The following DGKB variants were observed in gnomAD, a reference collection of about 807,000 sequenced individuals.
DGKB encodes 90 kDa diacylglycerol kinase.
In DGKB, 67 loss-of-function variants were observed where a neutral mutation model predicts 114.3. The ratio of observed to expected loss-of-function variants is 0.59; its 90% CI spans 0.48 to 0.72. DGKB has a LOEUF of 0.72. DGKB is among the 30% of genes least tolerant of loss of function. The probability of loss-of-function intolerance (pLI) is 0.00; values close to 1 mark genes in which losing one functional copy is unlikely to be tolerated. For missense variants in DGKB, 907 were observed against 975.2 expected (o/e 0.93, Z 0.93); for synonymous variants, 398 against 323.1 (o/e 1.23, Z -2.49).
chr7:14,699,341 G>C (rs1217161726), intron 7 of DGKB, among the ~76,000 whole-genome samples: 1 of 152,072 alleles, frequency 6.6e-6, no homozygotes, highest in African/African-American at 2.4e-5. Context: ...TGGTTTGGAA[G>C]TGTTAAAGTT....
rs139737389 is a variant in DGKB at position 14,718,905 on chromosome 7, CT to C, written c.323-221del. On this transcript the variant is annotated intron_variant, in intron 5 of 25. Coordinates refer to ENST00000402815, the MANE Select transcript of DGKB (RefSeq NM_001350709.2). ...TGGGATCCACAGACATGGCACTGCC[CT>C]ATCAGCCACGGATGGTATTTGGGTC... 4.6e-4 allele frequency: 201 copies of C among 440,436 alleles called. 1 individual carries two copies. The East Asian group carries it at 6.2e-3, about 14-fold the overall frequency. The allele number at this position is 440,436 out of a possible 1,614,324, so 27.3% of individuals were successfully genotyped here. A position where few individuals can be genotyped will look rare whatever the true frequency, so the allele number is the denominator to read the frequency against.
intron 21 of DGKB, among the ~76,000 whole-genome samples, chr7:14,382,446 G>A (rs1474826404): frequency 9.8e-6 from 1 of 102,308 alleles, no homozygotes; most frequent in Non-Finnish European, 2.3e-5. Flanking sequence ...ATATGTGCAT[G>A]CCTGTACACA....
At chr7:14,260,087 TACACACACACACACACACATGAAC>T (rs1212286120) in intron 23 of DGKB, among the ~76,000 whole-genome samples, 12 of 151,010 alleles carry the variant, frequency 7.9e-5, no homozygotes, top group South Asian at 4.2e-4. Flanking sequence ...TACATATGTG[TACACACACACACACACACATGAAC>T]ACACACACAC....
In DGKB at chr7:14,607,502, G is replaced by A; in HGVS notation, c.1365C>T (p.Tyr455=). 2 of 1,546,640 alleles carry A rather than the reference G, an allele frequency of 1.3e-6. No individual in the cohort carries two copies. Among genetic ancestry groups the A allele is most frequent in the Non-Finnish European group, 8.9e-7 (1 of 1,123,436 alleles). The stretch of plus-strand genomic sequence containing the variant: ...GATTTAATAGATACTGGAATTTTCT[G>A]TAAATTCTATAAAGGTGAAAATGTG... ...KSGGKQGERI[Y]RKFQYLLNPR... is the part of the protein sequence containing the mutation. Residue 455 remains tyrosine, a synonymous_variant, in exon 17 of 26, where the codon TAC becomes TAT. Coordinates refer to ENST00000402815, the MANE Select transcript of DGKB (RefSeq NM_001350709.2).
At chr7:14,255,982 A>G (rs1795911072) in intron 23 of DGKB, among the ~76,000 whole-genome samples, 2 of 152,156 alleles carry the variant, frequency 1.3e-5, no homozygotes, top group African/African-American at 4.8e-5. Flanking sequence ...AAATAATTCT[A>G]TGTGCCAGAA....
chr7:14,339,594 A>T (rs927005823), intron 22 of DGKB, among the ~76,000 whole-genome samples: 1 of 152,016 alleles, frequency 6.6e-6, no homozygotes, highest in Non-Finnish European at 1.5e-5. Flanking sequence ...ATTCATTTCC[A>T]CTACTGGACA....
intron 20 of DGKB, among the ~76,000 whole-genome samples, chr7:14,512,512 C>G (rs947114046): frequency 1.3e-5 from 2 of 152,072 alleles, no homozygotes; most frequent in African/African-American, 2.4e-5. Flanking sequence ...TGCTGGAATG[C>G]TCTTTCTATA....
intron 21 of DGKB, among the ~76,000 whole-genome samples, chr7:14,420,055 A>C (rs1826417122): frequency 6.6e-6 from 1 of 152,078 alleles, no homozygotes; most frequent in African/African-American, 2.4e-5. Flanking sequence ...AAGAACAAAC[A>C]TCAATATTAT....
chr7:14,777,525 T>C (rs1444660224), intron 2 of DGKB, among the ~76,000 whole-genome samples: 3 of 152,132 alleles, frequency 2.0e-5, no homozygotes, highest in Non-Finnish European at 4.4e-5. Flanking sequence ...TCAAAAGATC[T>C]GATGGTTTAA....
chr7:14,474,079 G>A (rs544219381), intron 21 of DGKB, among the ~76,000 whole-genome samples: 1 of 152,278 alleles, frequency 6.6e-6, no homozygotes, highest in East Asian at 1.9e-4. Context: ...GAGGACATGA[G>A]ATTTGGGAGG....
chr7:14,602,101 A>G (rs1803654688), intron 17 of DGKB, among the ~76,000 whole-genome samples: 1 of 152,138 alleles, frequency 6.6e-6, no homozygotes, highest in Non-Finnish European at 1.5e-5. Flanking sequence ...GTCTTAGTCC[A>G]TTCTAGCAGC....
chr7:14,777,385 T>C (rs12699666), intron 2 of DGKB, among the ~76,000 whole-genome samples: 17,967 of 152,048 alleles, frequency 0.12, 1,179 homozygotes, highest in African/African-American at 0.18. Flanking sequence ...ATGGTTTGGC[T>C]ATGTCACCAC....
chr7:14,647,416 G>A (rs1813272496), intron 13 of DGKB, among the ~76,000 whole-genome samples: 1 of 151,976 alleles, frequency 6.6e-6, no homozygotes, highest in South Asian at 2.1e-4. Context: ...AAAGACAAAC[G>A]AAACCAATTA....
rs571912676 is a variant in DGKB, at chr7:14,462,173, C to G, written c.1835+15988G>C. On this transcript the variant is annotated intron_variant, in intron 21 of 25. Transcript: ENST00000402815. ...CCTACTGAATGGGCAAAAGCTGGAA[C>G]TATTCCCTTTGAAAACTGGCACAAG... Among the ~76,000 whole-genome samples, 376 of 152,002 alleles carry G rather than the reference C, an allele frequency of 2.5e-3. 1 individual carries two copies. The highest frequency in any genetic ancestry group is 8.5e-3 in the African/African-American group (351 of 41,452).
chr7:14,674,404 A>G (rs1231772589), intron 12 of DGKB, among the ~76,000 whole-genome samples: 1 of 152,174 alleles, frequency 6.6e-6, no homozygotes, highest in East Asian at 1.9e-4. Flanking sequence ...AGTTTCCTCA[A>G]AATAAAATTA....
intron 23 of DGKB, among the ~76,000 whole-genome samples, chr7:14,187,017 A>AAAAT (rs143491018): frequency 7.2e-4 from 110 of 152,214 alleles, no homozygotes; most frequent in African/African-American, 1.7e-3. Flanking sequence ...AACTTATGGA[A>AAAAT]AAATAAATAA....
chr7:14,554,934 G>C (rs1040843346), intron 20 of DGKB, among the ~76,000 whole-genome samples: 7 of 151,940 alleles, frequency 4.6e-5, no homozygotes, highest in African/African-American at 1.2e-4. Flanking sequence ...AAAAGTTAAT[G>C]AGTTTTAATA....
chr7:14,642,643 G>C (rs1010990066), intron 13 of DGKB, among the ~76,000 whole-genome samples: 1 of 151,932 alleles, frequency 6.6e-6, no homozygotes, highest in African/African-American at 2.4e-5. Flanking sequence ...TTTTGCTAAG[G>C]CTACCAAGAA....
rs370192729 is a variant in DGKB, at chr7:14,513,601, A to G, written c.1771-35376T>C. Among the ~76,000 whole-genome samples the G allele has an allele frequency of 1.1e-3, 169 of 152,146 alleles. 6 individuals carry two copies. In the South Asian group the frequency reaches 0.033, roughly 30 times the overall value. On this transcript the variant is annotated intron_variant, in intron 20 of 25. Coordinates refer to ENST00000402815, the MANE Select transcript of DGKB (RefSeq NM_001350709.2). ...TAAAACAAAATTTTTTAATACATCT[A>G]TTGCATTTTGGGCACTATAGTTGAA...
Sources: allele counts gnomAD v4.1 joint callset (sites outside exome capture counted in the v4.1 genomes callset), GRCh38; gene constraint gnomAD v4.1.1; transcripts MANE v1.5; gene names NCBI Gene and HGNC (gene_info 2026-07-23, HGNC 2026-07-21).